ABCG1: variants seen among roughly 807,000 people sequenced by gnomAD.
ABCG1 encodes ATP binding cassette subfamily G member 1, also known as ATP-binding cassette sub-family G member 1.
Under a neutral mutation model 69.2 loss-of-function variants are expected in ABCG1, and 29 were observed. The ratio of observed to expected loss-of-function variants is 0.42; its 90% CI spans 0.31 to 0.57. The LOEUF (loss-of-function observed/expected upper bound fraction) is 0.57. Among genes scored for constraint, ABCG1 ranks in the 20% least tolerant of loss-of-function variants. The pLI is 0.15. For synonymous variants in ABCG1, 370 were observed against 374.8 expected (o/e 0.99, Z 0.15); for missense variants, 718 against 898.1 (o/e 0.80, Z 2.56).
In ABCG1 at chr21:42,283,739, ACCCCCC is replaced by A; in HGVS notation, c.735-820_735-815del. 1.0e-4 allele frequency among the ~76,000 whole-genome samples: 2 copies of A among 19,372 alleles called. 1 individual carries two copies. The highest frequency in any genetic ancestry group is 3.1e-3 in the South Asian group (2 of 646). The allele number at this position is 19,372 out of a possible 152,430, so 12.7% of individuals were successfully genotyped here. A position where few individuals can be genotyped will look rare whatever the true frequency, so the allele number is the denominator to read the frequency against. On this transcript the variant is annotated intron_variant, in intron 6 of 14. Coordinates refer to ENST00000398449, the MANE Select transcript of ABCG1 (RefSeq NM_016818.3). ...CCACCCACCACCCAGATGAGTGGGG[ACCCCCC>A]ACCTCTGTCCTGCCTGGACAGTTGT... is the stretch of plus-strand genomic sequence containing the variant.
intron 2 of ABCG1, among the ~76,000 whole-genome samples, chr21:42,261,250 G>A (rs1357932890): frequency 6.6e-6 from 1 of 151,680 alleles, no homozygotes; most frequent in Non-Finnish European, 1.5e-5. Context: ...GAGTCCTGCT[G>A]GCTGCAAGTT....
chr21:42,233,559 A>T (rs2067931927), intron 2 of ABCG1, among the ~76,000 whole-genome samples: 1 of 152,230 alleles, frequency 6.6e-6, no homozygotes, highest in South Asian at 2.1e-4. Context: ...CTGTTTTTTG[A>T]AACTCCGTAG....
chr21:42,283,676 A>AC lies in ABCG1; in HGVS notation c.735-884_735-883insC, dbSNP rs1569236348. On this transcript the variant is annotated intron_variant, in intron 6 of 14. Transcript: ENST00000398449. ...TCCCCCCCCACCCAAATGAGTGGGG[A>AC]ACCCCCACCTCTTTCCCACCTGGAC... Among the ~76,000 whole-genome samples, 341 of 114,540 alleles carry AC rather than the reference A, an allele frequency of 3.0e-3. 5 individuals carry two copies. Among genetic ancestry groups the AC allele is most frequent in the African/African-American group, 9.5e-3 (283 of 29,710 alleles). The allele number at this position is 114,540 out of a possible 152,430, so 75.1% of individuals were successfully genotyped here. A position where few individuals can be genotyped will look rare whatever the true frequency, so the allele number is the denominator to read the frequency against.
rs2069215789 is a variant in ABCG1 at position 42,296,607 on chromosome 21, A to T, written c.*215A>T. ...CCCCTTTCTAGCTTTAACTAGGAAG[A>T]TGTAGGCAGATTGGTGGTTTTTTTT... On this transcript the variant is annotated 3_prime_UTR_variant, in exon 15 of 15. Transcript: ENST00000398449. This position sits in a 1 kb window ranked among gnomAD's most constrained non-coding sequence, Gnocchi z 5.4. The T allele has an allele frequency of 3.6e-6, 2 of 549,818 alleles. No individual in the cohort carries two copies. Among genetic ancestry groups the T allele is most frequent in the Non-Finnish European group, 6.5e-6 (2 of 306,884 alleles). The allele number at this position is 549,818 out of a possible 1,614,324, so 34.1% of individuals were successfully genotyped here. A position where few individuals can be genotyped will look rare whatever the true frequency, so the allele number is the denominator to read the frequency against.
upstream of ABCG1, among the ~76,000 whole-genome samples, chr21:42,213,888 C>T (rs182575802): frequency 5.2e-4 from 79 of 152,332 alleles, no homozygotes; most frequent in East Asian, 4.8e-3. Flanking sequence ...ACAAGTTCAC[C>T]GCTGAAGGAA....
At chr21:42,223,863 G>A (rs1339528692) in intron 1 of ABCG1, among the ~76,000 whole-genome samples, 5 of 152,222 alleles carry the variant, frequency 3.3e-5, no homozygotes, top group Non-Finnish European at 5.9e-5. Flanking sequence ...TCAGCCACAA[G>A]AAAGAAGCAT....
At chr21:42,209,401 T>C (rs1244655802) in intron 2 of ABCG1, among the ~76,000 whole-genome samples, 1 of 152,232 alleles carries the variant, frequency 6.6e-6, no homozygotes, top group Non-Finnish European at 1.5e-5. Context: ...ACATAACTCA[T>C]GGTTTTTATT....
chr21:42,265,108 A>C (rs1044112374), intron 2 of ABCG1, among the ~76,000 whole-genome samples: 1 of 152,134 alleles, frequency 6.6e-6, no homozygotes, highest in African/African-American at 2.4e-5. Context: ...ACAGGGGTTC[A>C]TAGGAGCTGC....
At chr21:42,253,908 A>T (rs2068262351) in intron 2 of ABCG1, among the ~76,000 whole-genome samples, 1 of 152,310 alleles carries the variant, frequency 6.6e-6, no homozygotes, top group South Asian at 2.1e-4. Flanking sequence ...CCTTTGCACG[A>T]TATTTATTGA....
In ABCG1 at chr21:42,296,147, C is replaced by G. The variant is rs199774686; in HGVS notation, c.1773-17C>G. 1 of 1,608,814 alleles carries G rather than the reference C, an allele frequency of 6.2e-7. No individual in the cohort carries two copies. Among genetic ancestry groups the G allele is most frequent in the African/African-American group, 1.3e-5 (1 of 74,936 alleles). On this transcript the variant is annotated splice_polypyrimidine_tract_variant and intron_variant, in intron 14 of 14. Transcript: ENST00000398449. The surrounding 1 kb of genome is among the most constrained non-coding windows in gnomAD (Gnocchi z 5.4). The stretch of plus-strand genomic sequence containing the variant: ...GCTGGGAGAACGTCCTCCCTCATGC[C>G]TGGCCTTTCCTCCTAGGTATGGGTT...
intron 6 of ABCG1, among the ~76,000 whole-genome samples, chr21:42,284,294 C>CCTCTGTCCCGCCTGGAT: frequency 6.6e-6 from 1 of 150,406 alleles, no homozygotes; most frequent in African/African-American, 2.5e-5. Context: ...GACCCCCCCC[C>CCTCTGTCCCGCCTGGAT]AGTCCTGGAC....
At chr21:42,261,660 G>A (rs945129025) in intron 2 of ABCG1, among the ~76,000 whole-genome samples, 5 of 152,276 alleles carry the variant, frequency 3.3e-5, no homozygotes, top group East Asian at 1.9e-4. Context: ...TGCCTGGCCC[G>A]GCCCCCTCGG....
In ABCG1 at chr21:42,288,669, C is replaced by G. The variant is rs755567316; in HGVS notation, c.1224+357C>G. On this transcript the variant is annotated intron_variant, in intron 10 of 14. Coordinates refer to ENST00000398449, the MANE Select transcript of ABCG1 (RefSeq NM_016818.3). This position sits in a 1 kb window ranked among gnomAD's most constrained non-coding sequence, Gnocchi z 4.8. ...ATTGCAGTGAGCCGAGATTGCACCA[C>G]TGCACTCCAGCCTGGGTGACAGAGA... 6.6e-5 allele frequency among the ~76,000 whole-genome samples: 10 copies of G among 151,246 alleles called. No individual in the cohort carries two copies. Among genetic ancestry groups the G allele is most frequent in the Non-Finnish European group, 1.0e-4 (7 of 67,948 alleles).
intron 1 of ABCG1, among the ~76,000 whole-genome samples, chr21:42,221,742 C>T (rs1276187725): frequency 2.0e-5 from 3 of 152,224 alleles, no homozygotes; most frequent in Non-Finnish European, 2.9e-5. Context: ...AGACAGACAG[C>T]TGCGTGCTAA....
chr21:42,263,347 T>G (rs2068445293), intron 2 of ABCG1, among the ~76,000 whole-genome samples: 1 of 152,194 alleles, frequency 6.6e-6, no homozygotes, highest in East Asian at 1.9e-4. Context: ...AAAGTTGTAT[T>G]TCTTTGTTTA....
intron 2 of ABCG1, among the ~76,000 whole-genome samples, chr21:42,253,403 G>T (rs1459397654): frequency 6.6e-6 from 1 of 152,226 alleles, no homozygotes; most frequent in Non-Finnish European, 1.5e-5. Context: ...GGAAGGTACA[G>T]AAGAATGTGC....
At position 42,289,939 on chromosome 21, in the gene ABCG1, G is replaced by A. The variant is rs561053345; in HGVS notation, c.1225-111G>A. 12 of 1,199,800 alleles carry A rather than the reference G, an allele frequency of 1.0e-5. No individual in the cohort carries two copies. The Admixed American group carries it at 1.6e-4, about 16-fold the overall frequency. 74.3% of individuals were successfully genotyped at this position (1,199,800 alleles called of 1,614,324 possible). A position where few individuals can be genotyped will look rare whatever the true frequency, so the allele number is the denominator to read the frequency against. ...GAGAAGACAGGATAAAGTCTAAGAC[G>A]TGCTGTCACAGAGTTCAGGGTCCCA... is the stretch of plus-strand genomic sequence containing the variant. On this transcript the variant is annotated intron_variant, in intron 10 of 14. Transcript: ENST00000398449.
rs2069165101 is a variant in ABCG1, at chr21:42,294,505, G to A, written c.1654-37G>A. ...TCCTCTGCAGGAGGCCAGGCTGCAG[G>A]TTCTGCTACATCTGTCCTGTGTGCC... On this transcript the variant is annotated intron_variant, in intron 13 of 14. Transcript: ENST00000398449. The A allele has an allele frequency of 1.9e-6, 3 of 1,558,796 alleles. No homozygotes were observed. In the African/African-American group the frequency reaches 4.1e-5, roughly 21 times the overall value.
chr21:42,284,182 G>A (rs1164061421), intron 6 of ABCG1, among the ~76,000 whole-genome samples: 2 of 71,254 alleles, frequency 2.8e-5, no homozygotes, highest in East Asian at 8.0e-4. Flanking sequence ...CCTCTGTCCC[G>A]CCTGGACAGT....
Sources: allele counts gnomAD v4.1 joint callset (sites outside exome capture counted in the v4.1 genomes callset), GRCh38; gene constraint gnomAD v4.1.1; non-coding constraint Gnocchi (gnomAD v3.1); transcripts MANE v1.5; gene names NCBI Gene and HGNC (gene_info 2026-07-23, HGNC 2026-07-21).